Variants in VPS50 observed in about 807,000 individuals in gnomAD.
VPS50 encodes syndetin.
Under a neutral mutation model 139.7 loss-of-function variants are expected in VPS50, and 70 were observed. The ratio of observed to expected loss-of-function variants is 0.50; its 90% CI spans 0.41 to 0.61. The LOEUF is 0.61. Among genes scored for constraint, VPS50 ranks in the 20% least tolerant of loss-of-function variants. The pLI is 0.00. For missense variants in VPS50, 921 were observed against 1,133.7 expected (o/e 0.81, Z 2.69); for synonymous variants, 365 against 376.7 (o/e 0.97, Z 0.36).
At chr7:93,315,104 A>AT (rs573287870) in intron 20 of VPS50, among the ~76,000 whole-genome samples, 37 of 149,878 alleles carry the variant, frequency 2.5e-4, no homozygotes, top group East Asian at 1.4e-3. Context: ...CCTCTCTCCT[A>AT]TTTTTTTTTG....
At chr7:93,262,569 A>G (rs1469587364) in intron 9 of VPS50, among the ~76,000 whole-genome samples, 1 of 152,258 alleles carries the variant, frequency 6.6e-6, no homozygotes, top group Non-Finnish European at 1.5e-5. Flanking sequence ...GCAAATAGGT[A>G]AAAGTACATC....
chr7:93,335,783 A>G (rs767682194), intron 22 of VPS50, among the ~76,000 whole-genome samples: 1 of 152,128 alleles, frequency 6.6e-6, no homozygotes, highest in Non-Finnish European at 1.5e-5. Flanking sequence ...TTGATGGGCC[A>G]GATTTTACCA....
chr7:93,297,291 T>C (rs977771684), intron 16 of VPS50, 48 bp downstream of exon 16: 4 of 1,448,266 alleles, frequency 2.8e-6, no homozygotes, highest in Non-Finnish European at 2.7e-6. Flanking sequence ...GTAATGAGAA[T>C]ACTTTTGTCT....
intron 20 of VPS50, among the ~76,000 whole-genome samples, chr7:93,316,898 T>G (rs1313086898): frequency 6.6e-6 from 1 of 152,188 alleles, no homozygotes; most frequent in African/African-American, 2.4e-5. Flanking sequence ...GCAGAGGCTC[T>G]TAACAATTTG....
At chr7:93,239,601 A>G (rs1175546331) in intron 1 of VPS50, among the ~76,000 whole-genome samples, 1 of 152,176 alleles carries the variant, frequency 6.6e-6, no homozygotes, top group Non-Finnish European at 1.5e-5. Context: ...TTTTCAAATC[A>G]TAGATGGGTT....
chr7:93,277,864 G>A (rs530641690), intron 12 of VPS50, among the ~76,000 whole-genome samples: 2 of 151,844 alleles, frequency 1.3e-5, no homozygotes, highest in African/African-American at 2.4e-5. Flanking sequence ...TACTTTGATA[G>A]TATATATTAT....
chr7:93,285,896 TCCTC>T (rs1403601303), intron 12 of VPS50, among the ~76,000 whole-genome samples: 1 of 152,220 alleles, frequency 6.6e-6, no homozygotes, highest in African/African-American at 2.4e-5. Context: ...TCCAAATCCT[TCCTC>T]CTAGGATATT....
chr7:93,309,801 T>C lies in VPS50; in HGVS notation c.1748+859T>C, dbSNP rs573834417. ...GGAATGTTAAAATGACTTGATTTCATGACTATCATACATTTAGTGACTATA... is the reference window on the plus strand; with the variant it reads ...GGAATGTTAAAATGACTTGATTTCACGACTATCATACATTTAGTGACTATA... On this transcript the variant is annotated intron_variant, in intron 19 of 27. Coordinates refer to ENST00000305866, the MANE Select transcript of VPS50 (RefSeq NM_017667.4). 3.5e-4 allele frequency among the ~76,000 whole-genome samples: 54 copies of C among 152,120 alleles called. No homozygotes were observed. The South Asian group carries it at 3.7e-3, about 11-fold the overall frequency.
intron 3 of VPS50, among the ~76,000 whole-genome samples, chr7:93,253,348 G>GT (rs957594151): frequency 1.3e-4 from 20 of 152,196 alleles, no homozygotes; most frequent in African/African-American, 4.8e-4. Flanking sequence ...TTTTTGGTTA[G>GT]TTTCCCATAC....
intron 2 of VPS50, among the ~76,000 whole-genome samples, chr7:93,240,247 ACACTCTCT>A (rs1286063001): frequency 2.2e-4 from 31 of 144,076 alleles, no homozygotes; most frequent in African/African-American, 7.6e-4. Context: ...ACACACACAC[ACACTCTCT>A]CTCTCTCTCT....
At chr7:93,311,404 G>A in intron 20 of VPS50, 132 bp downstream of exon 20, 1 of 549,738 alleles carries the variant, frequency 1.8e-6, no homozygotes, top group South Asian at 2.7e-5. Flanking sequence ...GTTATCATAT[G>A]TCAATGCTTC....
At chr7:93,302,760 A>G (rs1797013863) in intron 16 of VPS50, among the ~76,000 whole-genome samples, 1 of 152,042 alleles carries the variant, frequency 6.6e-6, no homozygotes, top group Non-Finnish European at 1.5e-5. Context: ...AAGAGGAAGA[A>G]CAGGGTAGGC....
At position 93,359,247 on chromosome 7, in the gene VPS50, G is replaced by C. The variant is rs1173483198; in HGVS notation, c.*811G>C. Reference sequence around the variant, plus strand: ...AAAATATGTGGTTTTTTTGTTGAAAGTTTTGGTCTCTTTAAATTCAGATTT... The same window carrying C: ...AAAATATGTGGTTTTTTTGTTGAAACTTTTGGTCTCTTTAAATTCAGATTT... On this transcript the variant is annotated 3_prime_UTR_variant, in exon 28 of 28. Coordinates refer to ENST00000305866, the MANE Select transcript of VPS50 (RefSeq NM_017667.4). 6.6e-6 allele frequency: 1 copy of C among 151,980 alleles called. No individual in the cohort carries two copies. Among genetic ancestry groups the C allele is most frequent in the Non-Finnish European group, 1.5e-5 (1 of 67,986 alleles). The allele number at this position is 151,980 out of a possible 1,614,324, so 9.4% of individuals were successfully genotyped here.
chr7:93,309,229 C>T (rs1322319782), intron 19 of VPS50, among the ~76,000 whole-genome samples: 2 of 151,878 alleles, frequency 1.3e-5, no homozygotes, highest in African/African-American at 4.8e-5. Context: ...TAACTGTGAA[C>T]TGGATTGTTA....
At position 93,357,451 on chromosome 7, in the gene VPS50, A is replaced by C. The variant is rs1477244085; in HGVS notation, c.2776-866A>C. Among the ~76,000 whole-genome samples, 4 of 152,128 alleles carry C rather than the reference A, an allele frequency of 2.6e-5. No homozygotes were observed. In the East Asian group the frequency reaches 5.8e-4, roughly 22 times the overall value. On this transcript the variant is annotated intron_variant, in intron 27 of 27. Transcript: ENST00000305866. Reference sequence around the variant, plus strand: ...CAGCGATCACTGACGATGGATCCTCACTGAATGCTGAGTGGTTAAATGAGA... The same window carrying C: ...CAGCGATCACTGACGATGGATCCTCCCTGAATGCTGAGTGGTTAAATGAGA...
In VPS50 at chr7:93,314,548, G is replaced by T. The variant is rs553537370; in HGVS notation, c.1855+3276G>T. On this transcript the variant is annotated intron_variant, in intron 20 of 27. Transcript: ENST00000305866. Reference sequence around the variant, plus strand: ...CAGTGAAATAGCCTTGGTATTCACGGTTCTCTCTCCTGGAAGCAGCTTGTG... The same window carrying T: ...CAGTGAAATAGCCTTGGTATTCACGTTTCTCTCTCCTGGAAGCAGCTTGTG... Among the ~76,000 whole-genome samples the T allele has an allele frequency of 4.6e-5, 7 of 152,226 alleles. No homozygotes were observed. The South Asian group carries it at 1.5e-3, about 32-fold the overall frequency.
rs1797686406 is a variant in VPS50 at position 93,323,719 on chromosome 7, G to A, written c.1964G>A (p.Gly655Asp). 5 of 1,419,730 alleles carry A rather than the reference G, an allele frequency of 3.5e-6. No individual in the cohort carries two copies. The highest frequency in any genetic ancestry group is 4.7e-6 in the Non-Finnish European group (5 of 1,063,568). The allele number at this position is 1,419,730 out of a possible 1,614,324, so 87.9% of individuals were successfully genotyped here. A position where few individuals can be genotyped will look rare whatever the true frequency, so the allele number is the denominator to read the frequency against. Residue 655 changes from glycine to aspartate, a missense_variant, in exon 21 of 28, where the codon GGT becomes GAT. Physicochemically the swap from Gly to Asp is moderately conservative, Grantham distance 94. Around this residue, in one of 3 missense-constraint regions of VPS50, gnomAD observed 744 missense variants for 930.6 expected, o/e 0.80. Transcript: ENST00000305866. ...YYLYAIYTFF[G>D]RNDSLESTGL... ...TTGTATGCAATATATACCTTTTTTG[G>A]TCGGAATGATTCAGTAAGTCCACCT...
chr7:93,333,707 TAAGAAA>T (rs1382595228), intron 21 of VPS50, among the ~76,000 whole-genome samples: 2 of 152,190 alleles, frequency 1.3e-5, no homozygotes, highest in African/African-American at 4.8e-5. Context: ...CTAATTTGTA[TAAGAAA>T]AATAACCAAA....
chr7:93,258,693 A>G (rs529585863), intron 8 of VPS50, among the ~76,000 whole-genome samples: 4 of 152,056 alleles, frequency 2.6e-5, no homozygotes, highest in Non-Finnish European at 5.9e-5. Flanking sequence ...TTCATCTAAC[A>G]TATAGTAGTA....
Sources: gnomAD v4.1 joint callset for allele counts (sites outside exome capture counted in the v4.1 genomes callset) on GRCh38, gnomAD v4.1.1 for gene constraint, gnomAD v4.1.1 regional missense constraint, MANE v1.5 for transcripts, NCBI Gene and HGNC (gene_info 2026-07-23, HGNC 2026-07-21) for gene names.